The following EEFSEC variants were observed in gnomAD, a reference collection of about 807,000 sequenced individuals.
EEFSEC encodes eukaryotic elongation factor, selenocysteine-tRNA specific.
Under a neutral mutation model 42.1 loss-of-function variants are expected in EEFSEC, and 43 were observed. The observed-to-expected ratio is 1.02, with a 90% CI of 0.80 to 1.32. The LOEUF (loss-of-function observed/expected upper bound fraction) is 1.32. EEFSEC is among the 40% of genes most tolerant of loss of function. The pLI is 0.00. For missense variants in EEFSEC, 745 were observed against 803.6 expected, an observed-to-expected ratio of 0.93 and a Z score of 0.88; for synonymous variants, 354 against 339.1, an observed-to-expected ratio of 1.04 and a Z score of -0.48.
chr3:128,341,790 C>T lies in EEFSEC; in HGVS notation c.1344C>T (p.Gly448=), dbSNP rs1348263676. ...ACACGTGCCGGCTAGCCTTCCATGG[C>T]ATCCTGCTCCACGGGCTAGAGGACA... ...HTNTCRLAFH[G]ILLHGLEDRN... Residue 448 remains glycine, a synonymous_variant, in exon 5 of 7, where the codon GGC becomes GGT. Coordinates refer to ENST00000254730, the MANE Select transcript of EEFSEC (RefSeq NM_021937.5). 1.2e-6 allele frequency: 2 copies of T among 1,614,136 alleles called. No individual in the cohort carries two copies. The highest frequency in any genetic ancestry group is 4.5e-5 in the East Asian group (2 of 44,886).
At chr3:128,159,119 AAAGAGAAGGTGTTCC>A (rs1944432443) in intron 1 of EEFSEC, among the ~76,000 whole-genome samples, 1 of 152,236 alleles carries the variant, frequency 6.6e-6, no homozygotes, top group South Asian at 2.1e-4. Flanking sequence ...TTTTTCTTGT[AAAGAGAAGGTGTTCC>A]CCATTGAGTG....
intron 6 of EEFSEC, among the ~76,000 whole-genome samples, chr3:128,400,040 G>A (rs958202180): frequency 6.6e-6 from 1 of 152,094 alleles, no homozygotes; most frequent in Non-Finnish European, 1.5e-5. Context: ...TGACCGCCAG[G>A]CCCCACATTA....
At chr3:128,411,463 C>T (rs949258662), downstream of EEFSEC, among the ~76,000 whole-genome samples, 6 of 152,274 alleles carry the variant, frequency 3.9e-5, no homozygotes, top group African/African-American at 1.4e-4. Context: ...GCTCCAGGTT[C>T]TTCCAGAGTC....
downstream of EEFSEC, among the ~76,000 whole-genome samples, chr3:128,413,354 G>A (rs1351187103): frequency 6.6e-5 from 10 of 152,168 alleles, no homozygotes; most frequent in South Asian, 2.1e-4. Flanking sequence ...TGGGGGAGAC[G>A]GAGACCCTGC....
chr3:128,189,511 A>G (rs995510253), intron 1 of EEFSEC, among the ~76,000 whole-genome samples: 7 of 151,356 alleles, frequency 4.6e-5, no homozygotes, highest in African/African-American at 7.3e-5. Flanking sequence ...TGTCTTTACT[A>G]TACTAGACTT....
chr3:128,379,734 C>T (rs1476168983), intron 6 of EEFSEC, among the ~76,000 whole-genome samples: 1 of 152,236 alleles, frequency 6.6e-6, no homozygotes, highest in Non-Finnish European at 1.5e-5. Context: ...AGTACAGAAA[C>T]AAAAGGGAAA....
chr3:128,406,877 CAT>C (rs926500928), intron 6 of EEFSEC, among the ~76,000 whole-genome samples: 5 of 150,834 alleles, frequency 3.3e-5, no homozygotes, highest in Non-Finnish European at 5.9e-5. Context: ...TATATACATA[CAT>C]ATATATATAT....
chr3:128,252,665 T>G (rs2066199752), intron 2 of EEFSEC, among the ~76,000 whole-genome samples: 1 of 152,236 alleles, frequency 6.6e-6, no homozygotes, highest in Admixed American at 6.5e-5. Context: ...ATACTCTATT[T>G]GTTTATATAT....
At chr3:128,394,539 C>G (rs1395616811) in intron 6 of EEFSEC, among the ~76,000 whole-genome samples, 1 of 152,080 alleles carries the variant, frequency 6.6e-6, no homozygotes, top group East Asian at 1.9e-4. Flanking sequence ...TCAATAAGCT[C>G]TACCTTTTAA....
chr3:128,172,691 C>A (rs910182402), intron 1 of EEFSEC, among the ~76,000 whole-genome samples: 7 of 152,194 alleles, frequency 4.6e-5, no homozygotes, highest in African/African-American at 1.4e-4. Context: ...AGGATGGAGA[C>A]ACAGACACTG....
chr3:128,358,555 AAG>A (rs1325248220), intron 6 of EEFSEC, among the ~76,000 whole-genome samples, 182 bp downstream of exon 6: 1 of 152,154 alleles, frequency 6.6e-6, no homozygotes, highest in African/African-American at 2.4e-5. Context: ...GGGTTCTGGG[AAG>A]AGCCTGGATG....
At chr3:128,411,436 C>G (rs1251624738), downstream of EEFSEC, among the ~76,000 whole-genome samples, 1 of 152,244 alleles carries the variant, frequency 6.6e-6, no homozygotes, top group Non-Finnish European at 1.5e-5. Flanking sequence ...CCAGATAGAG[C>G]TGGAGTTTGA....
chr3:128,231,698 A>C (rs187706139), intron 1 of EEFSEC, among the ~76,000 whole-genome samples: 30 of 152,002 alleles, frequency 2.0e-4, no homozygotes, highest in Admixed American at 1.1e-3. Context: ...CTCAGTGTCC[A>C]TGTCATGTAA....
chr3:128,410,014 C>T (rs1245660730), downstream of EEFSEC, among the ~76,000 whole-genome samples: 1 of 152,226 alleles, frequency 6.6e-6, no homozygotes, highest in Non-Finnish European at 1.5e-5. Context: ...GGGAGCAGAC[C>T]TCCAGGAGGG....
Position 128,341,095 on chromosome 3 carries a change from C to T in EEFSEC, c.787-138C>T, listed in dbSNP as rs1486148787. On this transcript the variant is annotated intron_variant, in intron 4 of 6. Transcript: ENST00000254730. The stretch of plus-strand genomic sequence containing the variant: ...CTGGTCCAGAAGAGTGTGCCTGGGC[C>T]CCAGACCCCCCTTGGCTGGTCCTCA... The T allele has an allele frequency of 4.7e-6, 5 of 1,053,774 alleles. No individual in the cohort carries two copies. In the East Asian group the frequency reaches 1.3e-4, roughly 26 times the overall value. 65.3% of individuals were successfully genotyped at this position (1,053,774 alleles called of 1,614,324 possible).
Position 128,358,240 on chromosome 3 carries a change from C to T in EEFSEC, c.1467C>T (p.Ile489=), listed in dbSNP as rs994174331. The change falls in exon 6 of 7, where the codon ATC becomes ATT. Residue 489 remains isoleucine, a synonymous_variant. Coordinates refer to ENST00000254730, the MANE Select transcript of EEFSEC (RefSeq NM_021937.5). ...AGGCGATGGATGACTACAGTGTGAT[C>T]GGCCGCTCCCTGTTCAAAAAGGAAA... is the stretch of plus-strand genomic sequence containing the variant. ...VERAMDDYSV[I]GRSLFKKETN... is the part of the protein sequence containing the mutation. 4.3e-6 allele frequency: 7 copies of T among 1,613,988 alleles called. No individual in the cohort carries two copies. Among genetic ancestry groups the T allele is most frequent in the Admixed American group, 1.7e-5 (1 of 60,004 alleles).
intron 1 of EEFSEC, among the ~76,000 whole-genome samples, chr3:128,186,330 A>C (rs1329063932): frequency 6.6e-6 from 1 of 152,316 alleles, no homozygotes; most frequent in East Asian, 1.9e-4. Flanking sequence ...ATAGTTCCTT[A>C]TCAGATATAT....
chr3:128,387,910 G>A (rs1214555859), intron 6 of EEFSEC, among the ~76,000 whole-genome samples: 1 of 152,230 alleles, frequency 6.6e-6, no homozygotes, highest in East Asian at 1.9e-4. Flanking sequence ...GTCTCAGCCA[G>A]CCTTTTCTAG....
intron 1 of EEFSEC, among the ~76,000 whole-genome samples, chr3:128,197,818 G>A (rs909806417): frequency 3.9e-5 from 6 of 152,082 alleles, no homozygotes; most frequent in African/African-American, 7.2e-5. Flanking sequence ...CAGGTCCCCC[G>A]GTTTTGGTAA....
Sources: gnomAD v4.1 joint callset for allele counts (sites outside exome capture counted in the v4.1 genomes callset) on GRCh38, gnomAD v4.1.1 for gene constraint, MANE v1.5 for transcripts, NCBI Gene and HGNC (gene_info 2026-07-23, HGNC 2026-07-21) for gene names.